CIMIP2C: variants seen among roughly 807,000 people sequenced by gnomAD.
CIMIP2C encodes UPF0573 protein C2orf70.
the CIMIP2C span, among the ~76,000 whole-genome samples, chr2:26,568,707 C>T: frequency 3.3e-5 from 5 of 152,120 alleles, no homozygotes; most frequent in African/African-American, 1.2e-4. Context: ...AAGAATATTC[C>T]AGTGGCTCAG....
At chr2:26,574,939 G>C in the CIMIP2C span, among the ~76,000 whole-genome samples, 117 of 152,362 alleles carry the variant, frequency 7.7e-4, 2 homozygotes, top group East Asian at 0.02. Context: ...AGGCATGCAT[G>C]GGGGCACAGG....
the CIMIP2C span, among the ~76,000 whole-genome samples, chr2:26,574,934 T>G: frequency 6.6e-6 from 1 of 152,312 alleles, no homozygotes; most frequent in East Asian, 1.9e-4. Flanking sequence ...GAGTGAGGCA[T>G]GCATGGGGGC....
chr2:26,578,350 T>A, the CIMIP2C span: 1 of 176,420 alleles, frequency 5.7e-6, no homozygotes, highest in Admixed American at 5.7e-5. Context: ...TGCCAACCAC[T>A]CCCGGCTTGC....
At chr2:26,575,867 A>C in the CIMIP2C span, 1 of 1,601,626 alleles carries the variant, frequency 6.2e-7, no homozygotes, top group Non-Finnish European at 8.5e-7. Flanking sequence ...CCCTTCACTG[A>C]TCTGTGGCTC....
At chr2:26,579,188 G>A in the CIMIP2C span, 4 of 1,359,506 alleles carry the variant, frequency 2.9e-6, no homozygotes, top group East Asian at 2.3e-5. Context: ...CGAGTAGCCG[G>A]CAGGTCAGCT....
the CIMIP2C span, chr2:26,579,427 T>G: frequency 6.2e-7 from 1 of 1,613,156 alleles, no homozygotes; most frequent in Non-Finnish European, 8.5e-7. Context: ...CTACTTTGAG[T>G]TCAGAGCATG....
the CIMIP2C span, chr2:26,562,767 G>A: frequency 1.6e-6 from 2 of 1,244,366 alleles, no homozygotes; most frequent in African/African-American, 1.5e-5. Flanking sequence ...CCCTGCCCCC[G>A]GACTTTGGGG....
At chr2:26,577,912 C>T in the CIMIP2C span, 3 of 418,656 alleles carry the variant, frequency 7.2e-6, no homozygotes, top group Non-Finnish European at 8.6e-6. Flanking sequence ...CCTGAATCTG[C>T]GGACTGATGC....
At chr2:26,574,229 G>A in the CIMIP2C span, among the ~76,000 whole-genome samples, 1 of 152,176 alleles carries the variant, frequency 6.6e-6, no homozygotes, top group Admixed American at 6.5e-5. Flanking sequence ...CGAATGCCAC[G>A]CCGAGGATCT....
chr2:26,578,838 T>C, the CIMIP2C span: 3 of 471,432 alleles, frequency 6.4e-6, no homozygotes, highest in East Asian at 1.4e-4. Context: ...GCCAACCAGG[T>C]GGTTGGGAGA....
the CIMIP2C span, among the ~76,000 whole-genome samples, chr2:26,575,243 G>C: frequency 6.6e-6 from 1 of 152,186 alleles, no homozygotes; most frequent in Admixed American, 6.5e-5. Context: ...GGAGGCTGCT[G>C]TGCTGGGAGC....
chr2:26,562,974 G>A, the CIMIP2C span: 2 of 464,670 alleles, frequency 4.3e-6, no homozygotes, highest in Non-Finnish European at 7.6e-6. Flanking sequence ...GCCGGGGAAG[G>A]GGGAGGAGAT....
chr2:26,577,888 G>A, the CIMIP2C span: 13 of 468,224 alleles, frequency 2.8e-5, no homozygotes, highest in Non-Finnish European at 4.2e-5. Flanking sequence ...GAGAAGCTCC[G>A]TAAGCTTAGT....
chr2:26,564,932 C>T, the CIMIP2C span, among the ~76,000 whole-genome samples: 1 of 152,190 alleles, frequency 6.6e-6, no homozygotes, highest in African/African-American at 2.4e-5. Context: ...AGCCAGGTCC[C>T]TAATGCCTGG....
chr2:26,577,759 G>A, the CIMIP2C span: 1 of 667,294 alleles, frequency 1.5e-6, no homozygotes. Context: ...GTGCAGTGCA[G>A]AGAGTGATGG....
At chr2:26,570,829 T>C in the CIMIP2C span, among the ~76,000 whole-genome samples, 16 of 151,934 alleles carry the variant, frequency 1.1e-4, no homozygotes, top group African/African-American at 3.1e-4. Context: ...AGGGAGGAGA[T>C]TGGAGATTGT....
the CIMIP2C span, chr2:26,572,291 C>A: frequency 2.5e-6 from 2 of 805,706 alleles, no homozygotes; most frequent in Non-Finnish European, 3.6e-6. Flanking sequence ...TTCTGCACTT[C>A]AATAGATTTG....
chr2:26,569,090 C>T, the CIMIP2C span, among the ~76,000 whole-genome samples: 5 of 151,510 alleles, frequency 3.3e-5, no homozygotes, highest in East Asian at 7.8e-4. Context: ...AGGGCAAAGA[C>T]AGTTCCATGG....
At chr2:26,578,865 G>T in the CIMIP2C span, 1 of 471,902 alleles carries the variant, frequency 2.1e-6, no homozygotes, top group Non-Finnish European at 4.4e-6. Context: ...TCAGTGACAG[G>T]CCTGGGGCAA....
Sources: allele counts gnomAD v4.1 joint callset (sites outside exome capture counted in the v4.1 genomes callset), GRCh38; gene constraint gnomAD v4.1.1; transcripts MANE v1.5; gene names NCBI Gene and HGNC (gene_info 2026-07-23, HGNC 2026-07-21).